CHODL: variants seen among roughly 807,000 people sequenced by gnomAD.
CHODL encodes transmembrane protein MT75.
Under a neutral mutation model 34.5 loss-of-function variants are expected in CHODL, and 29 were observed. The observed-to-expected ratio is 0.84, with a 90% confidence interval of 0.63 to 1.15. The LOEUF is 1.15. Ranked by LOEUF, CHODL falls within the 50% of genes most tolerant of loss-of-function variation. The pLI is 0.00. For synonymous variants in CHODL, 125 were observed against 116.1 expected, an observed-to-expected ratio of 1.08 and a Z score of -0.49; for missense variants, 332 against 332.5, an observed-to-expected ratio of 1.00 and a Z score of 0.01.
chr21:18,150,269 G>A (rs1051307716), intron 2 of CHODL, among the ~76,000 whole-genome samples: 1 of 152,146 alleles, frequency 6.6e-6, no homozygotes, highest in Admixed American at 6.5e-5. Context: ...AGGATGGATT[G>A]TAAATGCTTC....
At chr21:18,081,823 G>A (rs2064945763) in intron 2 of CHODL, among the ~76,000 whole-genome samples, 1 of 152,122 alleles carries the variant, frequency 6.6e-6, no homozygotes, top group South Asian at 2.1e-4. Flanking sequence ...ATTGAGATAT[G>A]TTTCTTCTGT....
At chr21:18,141,739 A>AG (rs2072806319) in intron 2 of CHODL, among the ~76,000 whole-genome samples, 1 of 148,846 alleles carries the variant, frequency 6.7e-6, no homozygotes. Context: ...AAAAAAAAAA[A>AG]GAAAATGATA....
intron 2 of CHODL, among the ~76,000 whole-genome samples, chr21:18,192,670 T>G (rs1419841074): frequency 6.6e-6 from 1 of 152,188 alleles, no homozygotes; most frequent in Non-Finnish European, 1.5e-5. Flanking sequence ...TATTTTTGTT[T>G]GTATTGCTTT....
At chr21:18,016,349 T>A (rs1568845651) in intron 1 of CHODL, among the ~76,000 whole-genome samples, 1 of 152,212 alleles carries the variant, frequency 6.6e-6, no homozygotes, top group Non-Finnish European at 1.5e-5. Context: ...CAAGCCTTGG[T>A]GGCTTCCATG....
chr21:18,002,724 C>T (rs1002290795), intron 1 of CHODL, among the ~76,000 whole-genome samples: 10 of 152,126 alleles, frequency 6.6e-5, no homozygotes, highest in African/African-American at 2.4e-4. Flanking sequence ...CCACTCTGAG[C>T]TGTTTACAGG....
chr21:18,250,468 A>T (rs2074222009), intron 1 of CHODL, among the ~76,000 whole-genome samples: 1 of 151,860 alleles, frequency 6.6e-6, no homozygotes, highest in Non-Finnish European at 1.5e-5. Flanking sequence ...ATTATAAATA[A>T]ATTTGTTTAT....
At chr21:18,245,879 A>C in intron 1 of CHODL, 1 of 1,534,030 alleles carries the variant, frequency 6.5e-7, no homozygotes, top group Non-Finnish European at 8.7e-7. Context: ...TCCTTTGCAC[A>C]CTGCGTTCCA....
At chr21:18,121,204 C>A (rs1242493711) in intron 2 of CHODL, among the ~76,000 whole-genome samples, 1 of 152,110 alleles carries the variant, frequency 6.6e-6, no homozygotes, top group South Asian at 2.1e-4. Flanking sequence ...GGTGTCCAAT[C>A]TTTTGACTTC....
chr21:18,248,648 AT>A (rs1297031105), intron 1 of CHODL, among the ~76,000 whole-genome samples: 2 of 128,754 alleles, frequency 1.6e-5, no homozygotes, highest in Non-Finnish European at 3.1e-5. Flanking sequence ...ATATGTATAT[AT>A]TATATACATA....
chr21:18,094,967 T>A (rs2065121296), intron 2 of CHODL, among the ~76,000 whole-genome samples: 1 of 151,444 alleles, frequency 6.6e-6, no homozygotes. Flanking sequence ...CTACTAAAAA[T>A]AAAAAAATTA....
In CHODL at chr21:18,245,066, G is replaced by T; in HGVS notation, c.-158G>T. 3 of 582,236 alleles carry T rather than the reference G, an allele frequency of 5.2e-6. No individual in the cohort carries two copies. The highest frequency in any genetic ancestry group is 8.2e-6 in the Non-Finnish European group (3 of 364,148). The allele number at this position is 582,236 out of a possible 1,614,324, so 36.1% of individuals were successfully genotyped here. ...GCGCGGCAGGCGGCAGGTCCCGGCC[G>T]AAGGCGATGCGCGCAGGGGGTCGGG... On this transcript the variant is annotated 5_prime_UTR_variant, in exon 1 of 6. Coordinates refer to ENST00000299295, the MANE Select transcript of CHODL (RefSeq NM_024944.3).
chr21:18,032,108 T>A (rs113080568), intron 2 of CHODL, among the ~76,000 whole-genome samples: 1 of 151,856 alleles, frequency 6.6e-6, no homozygotes, highest in South Asian at 2.1e-4. Flanking sequence ...GATAAAACAT[T>A]TAGTTAGAGA....
intron 2 of CHODL, among the ~76,000 whole-genome samples, chr21:18,047,113 A>G (rs1376793386): frequency 2.6e-5 from 4 of 151,972 alleles, no homozygotes; most frequent in African/African-American, 9.7e-5. Context: ...TCCAAACTCT[A>G]CTTTAATCTT....
chr21:18,019,525 C>A (rs1443115850), intron 1 of CHODL, among the ~76,000 whole-genome samples: 1 of 152,014 alleles, frequency 6.6e-6, no homozygotes, highest in Non-Finnish European at 1.5e-5. Flanking sequence ...ATGAGTACCT[C>A]CATTTACCCT....
intron 1 of CHODL, among the ~76,000 whole-genome samples, chr21:18,024,998 T>A (rs1362878159): frequency 6.6e-6 from 1 of 152,196 alleles, no homozygotes; most frequent in Non-Finnish European, 1.5e-5. Flanking sequence ...TGACCTAGCC[T>A]GCACACCAAA....
intron 2 of CHODL, among the ~76,000 whole-genome samples, chr21:18,084,672 G>C (rs532338374): frequency 1.3e-5 from 2 of 152,080 alleles, no homozygotes; most frequent in East Asian, 3.9e-4. Context: ...TTTAAGACTT[G>C]TTTTATGGCC....
At chr21:18,040,863 C>G (rs546003278) in intron 2 of CHODL, among the ~76,000 whole-genome samples, 1 of 151,732 alleles carries the variant, frequency 6.6e-6, no homozygotes, top group African/African-American at 2.4e-5. Flanking sequence ...ACTGATTTCT[C>G]TTTATTTCTT....
chr21:18,212,813 A>G (rs558954558), intron 2 of CHODL, among the ~76,000 whole-genome samples: 1 of 152,100 alleles, frequency 6.6e-6, no homozygotes, highest in Non-Finnish European at 1.5e-5. Flanking sequence ...TTCTATGACA[A>G]TGTCATGTTT....
intron 1 of CHODL, among the ~76,000 whole-genome samples, chr21:17,985,296 A>G (rs1418152707): frequency 2.0e-5 from 3 of 152,132 alleles, no homozygotes; most frequent in African/African-American, 4.8e-5. Flanking sequence ...TCTTCATTGT[A>G]TCAAGAGTAT....
Sources: allele counts gnomAD v4.1 joint callset (sites outside exome capture counted in the v4.1 genomes callset), GRCh38; gene constraint gnomAD v4.1.1; transcripts MANE v1.5; gene names NCBI Gene and HGNC (gene_info 2026-07-23, HGNC 2026-07-21).